AVEN: variants seen among roughly 807,000 people sequenced by gnomAD.
AVEN encodes cell death regulator Aven.
AVEN carries 41 observed loss-of-function variants against 38.1 expected under a neutral mutation model. The observed-to-expected ratio is 1.08, with a 90% CI of 0.84 to 1.40. The LOEUF is 1.40. Ranked by LOEUF, AVEN falls within the 40% of genes most tolerant of loss-of-function variation. The pLI is 0.00. For synonymous variants in AVEN, 206 were observed against 171.8 expected (o/e 1.20, Z -1.56); for missense variants, 605 against 438.8 (o/e 1.38, Z -3.38).
Position 33,875,979 on chromosome 15 carries a change from C to A in AVEN, c.462G>T (p.Gln154His), listed in dbSNP as rs761035754. Residue 154 changes from glutamine to histidine, a missense_variant, in exon 3 of 6, where the codon CAG becomes CAT. Transcript: ENST00000306730. ...LLSSAGDSFS[Q>H]FRFAEEKEWD... The stretch of plus-strand genomic sequence containing the variant: ...ATTCTTTCTCCTCAGCAAACCGGAA[C>A]TGTGAGAATGAGTCCCCTAGGAATA... The A allele has an allele frequency of 1.9e-6, 3 of 1,612,886 alleles. No homozygotes were observed. Among genetic ancestry groups the A allele is most frequent in the South Asian group, 1.1e-5 (1 of 91,040 alleles).
chr15:34,014,801 G>A (rs1226862115), intron 1 of AVEN, among the ~76,000 whole-genome samples: 1 of 152,190 alleles, frequency 6.6e-6, no homozygotes, highest in African/African-American at 2.4e-5. Flanking sequence ...CTGAGAATGT[G>A]GCCCCTTGAC....
chr15:33,903,758 A>C (rs1373680296), intron 2 of AVEN, among the ~76,000 whole-genome samples: 2 of 126,946 alleles, frequency 1.6e-5, no homozygotes, highest in Non-Finnish European at 3.6e-5. Flanking sequence ...TATATATTGT[A>C]TATGTGTATA....
downstream of AVEN, among the ~76,000 whole-genome samples, chr15:33,863,111 C>A (rs975888369): frequency 1.1e-4 from 16 of 152,160 alleles, no homozygotes; most frequent in African/African-American, 3.9e-4. Context: ...CTTCCCATGG[C>A]ACTGTTACAC....
At chr15:34,060,299 G>T (rs1000782410) in intron 5 of AVEN, among the ~76,000 whole-genome samples, 2 of 152,206 alleles carry the variant, frequency 1.3e-5, no homozygotes, top group Admixed American at 6.5e-5. Context: ...GACTGCATGT[G>T]TTTGGGAGGT....
exon 1 of AVEN, among the ~76,000 whole-genome samples, chr15:34,074,798 A>G (rs1900698364): frequency 6.6e-6 from 1 of 152,170 alleles, no homozygotes; most frequent in African/African-American, 2.4e-5. Context: ...GGGGGACACA[A>G]TTCAATCCAT....
At chr15:33,973,605 G>A (rs917518529) in intron 2 of AVEN, among the ~76,000 whole-genome samples, 3 of 152,116 alleles carry the variant, frequency 2.0e-5, no homozygotes, top group African/African-American at 7.2e-5. Context: ...ACTCTGGGAG[G>A]CCAAAGCTGG....
At chr15:33,949,210 T>C (rs904986959) in intron 2 of AVEN, among the ~76,000 whole-genome samples, 3 of 151,394 alleles carry the variant, frequency 2.0e-5, no homozygotes, top group African/African-American at 4.9e-5. Flanking sequence ...TTTTTTTTAG[T>C]AGAGACAGGA....
chr15:34,010,097 C>T (rs1462574260), intron 1 of AVEN, among the ~76,000 whole-genome samples: 1 of 152,034 alleles, frequency 6.6e-6, no homozygotes, highest in Non-Finnish European at 1.5e-5. Context: ...TAGTTAGAAA[C>T]TTCAAGCCCC....
At chr15:33,865,082 G>GTT, downstream of AVEN, 1 of 1,477,590 alleles carries the variant, frequency 6.8e-7, no homozygotes, top group Non-Finnish European at 9.4e-7. Flanking sequence ...CTGGGTTTTA[G>GTT]CTTTTACTGT....
At chr15:33,919,656 G>C (rs1364736598) in intron 2 of AVEN, among the ~76,000 whole-genome samples, 1 of 152,164 alleles carries the variant, frequency 6.6e-6, no homozygotes, top group Non-Finnish European at 1.5e-5. Context: ...CTTAGAATAA[G>C]AGCACAGAGG....
In AVEN at chr15:33,867,072, T is replaced by A. The variant is rs569369540; in HGVS notation, c.974-344A>T. 1.7e-3 allele frequency among the ~76,000 whole-genome samples: 258 copies of A among 152,340 alleles called. 3 individuals are homozygous for A. Among genetic ancestry groups the A allele is most frequent in the African/African-American group, 5.8e-3 (240 of 41,578 alleles). ...GGCCCCTCTACATCAGATGGGCCAC[T>A]ATCTCACAGGACATGCAGAAATCAG... On this transcript the variant is annotated intron_variant, in intron 5 of 5. Transcript: ENST00000306730.
At chr15:33,930,974 A>C (rs923700326) in intron 2 of AVEN, among the ~76,000 whole-genome samples, 2 of 110,572 alleles carry the variant, frequency 1.8e-5, no homozygotes, top group Non-Finnish European at 2.0e-5. Flanking sequence ...AAAAAAAAAA[A>C]CTTAAGGATT....
At chr15:33,853,583 G>C in the AVEN span, 1 of 1,613,950 alleles carries the variant, frequency 6.2e-7, no homozygotes, top group Admixed American at 1.7e-5. Flanking sequence ...GATCTCTACG[G>C]AGCAGAACGC....
At chr15:34,070,063 G>A (rs1460644836) in intron 2 of AVEN, among the ~76,000 whole-genome samples, 3 of 152,172 alleles carry the variant, frequency 2.0e-5, no homozygotes, top group Non-Finnish European at 1.5e-5. Context: ...CATGGCTGGG[G>A]AGGCCTCAGG....
chr15:34,048,496 A>G (rs1322320533), intron 5 of AVEN, among the ~76,000 whole-genome samples: 1 of 145,888 alleles, frequency 6.9e-6, no homozygotes, highest in Non-Finnish European at 1.5e-5. Context: ...CAGGACCTCC[A>G]TGTGGGGGTT....
Position 33,866,453 on chromosome 15 carries a change from CAG to C in AVEN, c.*158_*159del. 1 of 602,190 alleles carries C rather than the reference CAG, an allele frequency of 1.7e-6. No homozygotes were observed. 37.3% of individuals were successfully genotyped at this position (602,190 alleles called of 1,614,324 possible). ...AACAAGCTGCTTCAATGTATTCTTT[CAG>C]ATGTCAAACACAGAGGTAGGCATTT... On this transcript the variant is annotated 3_prime_UTR_variant, in exon 6 of 6. Coordinates refer to ENST00000306730, the MANE Select transcript of AVEN (RefSeq NM_020371.3).
At chr15:33,975,313 C>T (rs1191948955) in intron 2 of AVEN, among the ~76,000 whole-genome samples, 1 of 152,180 alleles carries the variant, frequency 6.6e-6, no homozygotes, top group Non-Finnish European at 1.5e-5. Flanking sequence ...CCTAAAACTC[C>T]TGGTATATGT....
chr15:33,908,314 T>C (rs111848339), intron 2 of AVEN, among the ~76,000 whole-genome samples: 758 of 38,042 alleles, frequency 0.02, 236 homozygotes, highest in East Asian at 0.15. Context: ...GTGCCTGCAA[T>C]TAAGAAGCCA....
intron 2 of AVEN, among the ~76,000 whole-genome samples, chr15:33,943,946 C>T (rs1894414174): frequency 6.6e-6 from 1 of 150,764 alleles, no homozygotes; most frequent in African/African-American, 2.4e-5. Flanking sequence ...GTTGCCCTGT[C>T]TGGTCTCGAA....
Sources: allele counts gnomAD v4.1 joint callset (sites outside exome capture counted in the v4.1 genomes callset), GRCh38; gene constraint gnomAD v4.1.1; transcripts MANE v1.5; gene names NCBI Gene and HGNC (gene_info 2026-07-23, HGNC 2026-07-21).